The following CTIF variants were observed in gnomAD, a reference collection of about 807,000 sequenced individuals.
CTIF encodes cap binding complex dependent translation initiation factor.
Under a neutral mutation model 66.0 loss-of-function variants are expected in CTIF, and 21 were observed. The observed-to-expected ratio is 0.32, with a 90% CI of 0.23 to 0.46. The LOEUF (loss-of-function observed/expected upper bound fraction) is 0.46. CTIF is among the 20% of genes least tolerant of loss of function. The pLI is 1.00. For missense variants in CTIF, 739 were observed against 812.7 expected, an observed-to-expected ratio of 0.91 and a Z score of 1.10; for synonymous variants, 345 against 326.4, an observed-to-expected ratio of 1.06 and a Z score of -0.62.
At chr18:48,685,008 TTTTG>T (rs2091811434) in intron 6 of CTIF, among the ~76,000 whole-genome samples, 1 of 150,300 alleles carries the variant, frequency 6.7e-6, no homozygotes, top group Admixed American at 6.6e-5. Flanking sequence ...AAGAAAAAGT[TTTTG>T]TTTTTTTGTT....
intron 1 of CTIF, among the ~76,000 whole-genome samples, chr18:48,543,294 C>T (rs925540761): frequency 1.3e-5 from 2 of 152,150 alleles, no homozygotes; most frequent in Non-Finnish European, 2.9e-5. Context: ...TCTGAGAATT[C>T]TCCACACGTG....
chr18:48,737,038 A>G (rs964214490), intron 7 of CTIF, among the ~76,000 whole-genome samples: 7 of 152,040 alleles, frequency 4.6e-5, no homozygotes, highest in Admixed American at 3.9e-4. Context: ...ACATGGCTCC[A>G]TGTCACCCAG....
intron 1 of CTIF, among the ~76,000 whole-genome samples, chr18:48,574,033 G>T (rs2089478021): frequency 6.6e-6 from 1 of 152,170 alleles, no homozygotes; most frequent in South Asian, 2.1e-4. Flanking sequence ...GCACCCTCAG[G>T]TCTGATTTGC....
At chr18:48,781,401 C>G (rs1001183099) in intron 9 of CTIF, among the ~76,000 whole-genome samples, 1 of 152,176 alleles carries the variant, frequency 6.6e-6, no homozygotes, top group African/African-American at 2.4e-5. Context: ...TGGCCGGGCC[C>G]CAGGGGCCAG....
At chr18:48,726,334 C>T (rs1352844869) in intron 7 of CTIF, among the ~76,000 whole-genome samples, 4 of 152,128 alleles carry the variant, frequency 2.6e-5, no homozygotes, top group South Asian at 4.1e-4. Context: ...TTCTCCAAGA[C>T]GTAGAGTTTA....
At chr18:48,706,784 C>T (rs1004178616) in intron 6 of CTIF, among the ~76,000 whole-genome samples, 22 of 152,260 alleles carry the variant, frequency 1.4e-4, no homozygotes, top group East Asian at 7.7e-4. Flanking sequence ...TGTATGTGCA[C>T]GTGTGTGTTC....
At chr18:48,756,443 A>T (rs1051230899) in intron 7 of CTIF, 15 of 152,260 alleles carry the variant, frequency 9.9e-5, no homozygotes, top group Non-Finnish European at 2.1e-4. Flanking sequence ...GAATTTATAT[A>T]AGTAATAAGC....
intron 1 of CTIF, among the ~76,000 whole-genome samples, chr18:48,579,704 A>G (rs2089612115): frequency 6.6e-6 from 1 of 152,136 alleles, no homozygotes; most frequent in Non-Finnish European, 1.5e-5. Flanking sequence ...TCCCTTTCTC[A>G]GATGGATCTT....
chr18:48,621,573 C>A (rs776641370), intron 2 of CTIF: 5 of 389,258 alleles, frequency 1.3e-5, no homozygotes, highest in African/African-American at 2.2e-5. Flanking sequence ...CCAGGCTGCT[C>A]CTGGAGCCCA....
At chr18:48,774,244 C>G (rs983321044) in intron 9 of CTIF, among the ~76,000 whole-genome samples, 2 of 152,200 alleles carry the variant, frequency 1.3e-5, no homozygotes, top group African/African-American at 4.8e-5. Flanking sequence ...CTGGGCCCCT[C>G]TGTCCAGGAG....
At position 48,681,772 on chromosome 18, in the gene CTIF, T is replaced by TTTTGTTTG. The variant is rs543174265; in HGVS notation, c.507+11048_507+11055dup. ...CCTGCCTGCCTGCCCCACACCTGGT[T>TTTTGTTTG]TTTGTTTGTTTGTTTGTTTGTTTGT... On this transcript the variant is annotated intron_variant, in intron 6 of 11. Coordinates refer to ENST00000256413, the MANE Select transcript of CTIF (RefSeq NM_014772.3). Among the ~76,000 whole-genome samples, 63 of 149,376 alleles carry TTTTGTTTG rather than the reference T, an allele frequency of 4.2e-4. 1 individual carries two copies. Among genetic ancestry groups the TTTTGTTTG allele is most frequent in the Admixed American group, 4.1e-3 (62 of 15,018 alleles).
At chr18:48,749,929 G>A (rs897286294) in intron 7 of CTIF, among the ~76,000 whole-genome samples, 12 of 152,196 alleles carry the variant, frequency 7.9e-5, no homozygotes, top group African/African-American at 2.7e-4. Context: ...AAGGGCGAGG[G>A]CCTTCCCCTG....
intron 9 of CTIF, among the ~76,000 whole-genome samples, chr18:48,790,766 G>A (rs8094206): frequency 0.14 from 20,809 of 152,220 alleles, 1,859 homozygotes; most frequent in African/African-American, 0.25. Flanking sequence ...CGCCCGGCTG[G>A]AGCCACGGGC....
intron 2 of CTIF, among the ~76,000 whole-genome samples, chr18:48,630,738 C>T (rs12454382): frequency 0.041 from 6,271 of 151,474 alleles, 168 homozygotes; most frequent in South Asian, 0.12. Context: ...TGCGGTGGCG[C>T]GATCTCTGCT....
intron 9 of CTIF, among the ~76,000 whole-genome samples, chr18:48,772,534 C>CCCTACAGCAAT (rs1290873670): frequency 1.3e-5 from 2 of 152,058 alleles, no homozygotes; most frequent in Non-Finnish European, 2.9e-5. Flanking sequence ...GCCTCCCCTC[C>CCCTACAGCAAT]ATCTTCCATC....
chr18:48,702,243 C>A (rs2145396451), intron 6 of CTIF, among the ~76,000 whole-genome samples: 1 of 152,316 alleles, frequency 6.6e-6, no homozygotes, highest in East Asian at 1.9e-4. Flanking sequence ...TGGTTATTCC[C>A]TTGGAGCATC....
At chr18:48,797,780 A>G (rs1406503044) in intron 9 of CTIF, among the ~76,000 whole-genome samples, 2 of 152,030 alleles carry the variant, frequency 1.3e-5, no homozygotes, top group Admixed American at 1.3e-4. Flanking sequence ...AGGCAGTTAG[A>G]TCTCATAGTA....
chr18:48,796,600 C>T (rs1244312900), intron 9 of CTIF, among the ~76,000 whole-genome samples: 1 of 152,154 alleles, frequency 6.6e-6, no homozygotes. Flanking sequence ...AGCTTATCAA[C>T]ATGGACATGA....
intron 9 of CTIF, among the ~76,000 whole-genome samples, chr18:48,798,244 T>C (rs1012552381): frequency 1.3e-5 from 2 of 152,204 alleles, no homozygotes; most frequent in African/African-American, 4.8e-5. Context: ...AAATAAGTAG[T>C]GTTAAGCATG....
Sources: gnomAD v4.1 joint callset for allele counts (sites outside exome capture counted in the v4.1 genomes callset) on GRCh38, gnomAD v4.1.1 for gene constraint, MANE v1.5 for transcripts, NCBI Gene and HGNC (gene_info 2026-07-23, HGNC 2026-07-21) for gene names.